RADX: variants seen among roughly 807,000 people sequenced by gnomAD.
RADX encodes RPA1 related single stranded DNA binding protein, X-linked, also known as RPA-related protein RADX.
A neutral mutation model predicts 61.6 loss-of-function variants in RADX; 36 were observed. That is an observed-to-expected ratio of 0.58 (90% confidence interval 0.45 to 0.77). RADX has a LOEUF of 0.77. Ranked by LOEUF, RADX falls within the 30% of genes least tolerant of loss-of-function variation. RADX has a pLI of 0.00. For missense variants in RADX, 497 were observed against 651.1 expected, an observed-to-expected ratio of 0.76 and a Z score of 2.58; for synonymous variants, 272 against 237.9, an observed-to-expected ratio of 1.14 and a Z score of -1.32.
In RADX at chrX:106,627,938, C is replaced by T. The variant is rs191121274; in HGVS notation, c.979+2656C>T. Reference sequence around the variant, plus strand: ...GCAACCTCCACCTCCTGGGTTCCAGCGATTCTCCTGCCTCAGCCTCTCAAG... The same window carrying T: ...GCAACCTCCACCTCCTGGGTTCCAGTGATTCTCCTGCCTCAGCCTCTCAAG... On this transcript the variant is annotated intron_variant, in intron 3 of 13. Transcript: ENST00000372548. Among the ~76,000 whole-genome samples, 1,097 of 111,526 alleles carry T rather than the reference C, an allele frequency of 9.8e-3. 5 individuals are homozygous for T. Among genetic ancestry groups the T allele is most frequent in the Non-Finnish European group, 0.015 (812 of 53,068 alleles).
chrX:106,653,459 T>TA (rs1366493648), intron 11 of RADX, among the ~76,000 whole-genome samples: 3 of 110,591 alleles, frequency 2.7e-5, no homozygotes, highest in Admixed American at 9.6e-5. Context: ...GAGAAAACAC[T>TA]AAAAAAAAGT....
At chrX:106,628,644 ATT>A (rs35521933) in intron 3 of RADX, among the ~76,000 whole-genome samples, 102 of 98,332 alleles carry the variant, frequency 1.0e-3, no homozygotes, top group African/African-American at 3.5e-3. Context: ...TAATATGTGA[ATT>A]TTTTTTTTTT....
At chrX:106,659,322 TA>T (rs1012912124) in intron 11 of RADX, among the ~76,000 whole-genome samples, 1 of 109,579 alleles carries the variant, frequency 9.1e-6, no homozygotes, top group Non-Finnish European at 1.9e-5. Context: ...GGAGTAGATT[TA>T]AAAAAAAAAT....
rs1280451655 is a variant in RADX, at chrX:106,669,292, C to T, written c.2399C>T (p.Thr800Ile). The T allele has an allele frequency of 1.7e-6, 2 of 1,202,585 alleles. No homozygotes were observed. The highest frequency in any genetic ancestry group is 2.3e-4 in the Middle Eastern group (1 of 4,348). The change falls in exon 13 of 14, where the codon ACT (threonine) becomes ATT (isoleucine). Residue 800 changes from threonine (T) to isoleucine (I), a missense_variant. Around this residue, in one of 3 missense-constraint regions of RADX, gnomAD observed 267 missense variants for 306.9 expected, o/e 0.87. Coordinates refer to ENST00000372548, the MANE Select transcript of RADX (RefSeq NM_018015.6). ...NYSCAYPQDT[T>I]GNDRLPGPRA... ...AGCTGTGCATATCCACAGGACACAACTGGAAATGACCGATTGCCAGGTCCA... is the reference window on the plus strand; with the variant it reads ...AGCTGTGCATATCCACAGGACACAATTGGAAATGACCGATTGCCAGGTCCA...
rs758776921 is a variant in RADX, at chrX:106,619,082, G to C, written c.644-3569G>C. 1.8e-3 allele frequency among the ~76,000 whole-genome samples: 196 copies of C among 107,704 alleles called. 1 individual carries two copies. The highest frequency in any genetic ancestry group is 9.7e-3 in the Middle Eastern group (2 of 206). The allele number at this position is 107,704 out of a possible 115,157, so 93.5% of individuals were successfully genotyped here. A position where few individuals can be genotyped will look rare whatever the true frequency, so the allele number is the denominator to read the frequency against. ...TTAAAATTTTCTTTTTCTTCTAGTA[G>C]TTTGGAAATCATACATTGTATTTGT... On this transcript the variant is annotated intron_variant, in intron 1 of 13. Coordinates refer to ENST00000372548, the MANE Select transcript of RADX (RefSeq NM_018015.6).
In RADX at chrX:106,639,066, G is replaced by A. The variant is rs191656670; in HGVS notation, c.1574-461G>A. 3.4e-3 allele frequency among the ~76,000 whole-genome samples: 378 copies of A among 111,608 alleles called. 5 individuals are homozygous for A. The highest frequency in any genetic ancestry group is 0.012 in the African/African-American group (361 of 30,715). ...ATGACAGTTGAAAAGTTTAGCACAAGCATGTTCTTTTTTAAAAAGCTATGA... is the reference window on the plus strand; with the variant it reads ...ATGACAGTTGAAAAGTTTAGCACAAACATGTTCTTTTTTAAAAAGCTATGA... On this transcript the variant is annotated intron_variant, in intron 8 of 13. Transcript: ENST00000372548.
chrX:106,636,341 A>C (rs1927357628), intron 6 of RADX, among the ~76,000 whole-genome samples: 1 of 111,873 alleles, frequency 8.9e-6, no homozygotes, highest in Admixed American at 9.5e-5. Flanking sequence ...GACTGGCAGC[A>C]CTAATAATTG....
chrX:106,653,280 T>C (rs1489101887), intron 11 of RADX, among the ~76,000 whole-genome samples: 1 of 110,826 alleles, frequency 9.0e-6, no homozygotes, highest in Non-Finnish European at 1.9e-5. Context: ...AATAAAAATA[T>C]ATTGTGGAGT....
intron 3 of RADX, among the ~76,000 whole-genome samples, chrX:106,631,790 AAG>A (rs1446130148): frequency 4.0e-5 from 4 of 101,098 alleles, no homozygotes; most frequent in Non-Finnish European, 5.8e-5. Context: ...GAAGAAAAGA[AAG>A]AGAAAGAAAG....
chrX:106,643,934 A>G (rs1927592336), intron 10 of RADX, among the ~76,000 whole-genome samples: 1 of 111,318 alleles, frequency 9.0e-6, no homozygotes, highest in African/African-American at 3.3e-5. Flanking sequence ...CCATTTTTGA[A>G]TGTCCTCTTC....
chrX:106,624,868 C>T (rs1206661936), intron 2 of RADX, among the ~76,000 whole-genome samples: 1 of 111,675 alleles, frequency 9.0e-6, no homozygotes, highest in Non-Finnish European at 1.9e-5. Context: ...TATTTTAATA[C>T]TGAGAAAAAC....
chrX:106,648,479 T>A, intron 11 of RADX, 93 bp downstream of exon 11: 1 of 578,670 alleles, frequency 1.7e-6, no homozygotes, highest in South Asian at 3.1e-5. Flanking sequence ...AAGTAATACA[T>A]GCTTAGAATG....
In RADX at chrX:106,678,452, A is replaced by G; in HGVS notation, c.*194A>G. ...TTCATTTCAGATTCATTATTGAAAA[A>G]GGTCATCAAAATAATTTTTGTGTAT... is the stretch of plus-strand genomic sequence containing the variant. On this transcript the variant is annotated 3_prime_UTR_variant, in exon 14 of 14. Transcript: ENST00000372548. The G allele has an allele frequency of 3.1e-6, 1 of 321,906 alleles. No homozygotes were observed. The highest frequency in any genetic ancestry group is 5.4e-6 in the Non-Finnish European group (1 of 183,760). 26.5% of individuals were successfully genotyped at this position (321,906 alleles called of 1,213,427 possible).
chrX:106,624,892 C>T (rs1420040558), intron 2 of RADX, among the ~76,000 whole-genome samples, 198 bp from the exon 3 acceptor site: 1 of 111,457 alleles, frequency 9.0e-6, no homozygotes, highest in East Asian at 2.8e-4. Context: ...AAATACTTTC[C>T]ACCTCAATAC....
rs950118664 is a variant in RADX at position 106,633,075 on chromosome X, T to C, written c.1180+52T>C. ...AAAAGTATTTCAGTGAATAATTTTG[T>C]GTTCATATGTATATAACAGTTACCT... On this transcript the variant is annotated intron_variant, in intron 5 of 13. Transcript: ENST00000372548. The C allele has an allele frequency of 5.2e-6, 6 of 1,157,533 alleles. No homozygotes were observed. In the Admixed American group the frequency reaches 8.9e-5, roughly 17 times the overall value.
At chrX:106,666,684 T>C (rs1444520871) in intron 12 of RADX, among the ~76,000 whole-genome samples, 1 of 112,497 alleles carries the variant, frequency 8.9e-6, no homozygotes, top group South Asian at 3.7e-4. Flanking sequence ...GTTAATGTTA[T>C]TAAAATTTGA....
intron 2 of RADX, among the ~76,000 whole-genome samples, chrX:106,623,820 C>T (rs978394000): frequency 9.0e-6 from 1 of 111,534 alleles, no homozygotes; most frequent in African/African-American, 3.3e-5. Flanking sequence ...AAAAATTCTT[C>T]ATCCATAATA....
chrX:106,630,336 AC>A (rs375346782), intron 3 of RADX, among the ~76,000 whole-genome samples: 4 of 105,225 alleles, frequency 3.8e-5, no homozygotes, highest in African/African-American at 1.1e-4. Flanking sequence ...CTACAAAAAA[AC>A]AAACAAACAA....
intron 3 of RADX, among the ~76,000 whole-genome samples, chrX:106,626,208 C>T (rs190319920): frequency 3.1e-4 from 35 of 111,544 alleles, no homozygotes; most frequent in African/African-American, 1.1e-3. Flanking sequence ...GTTTATAATA[C>T]CTTTATTCTG....
Sources: gnomAD v4.1 joint callset for allele counts (sites outside exome capture counted in the v4.1 genomes callset) on GRCh38, gnomAD v4.1.1 for gene constraint, gnomAD v4.1.1 regional missense constraint, MANE v1.5 for transcripts, NCBI Gene and HGNC (gene_info 2026-07-23, HGNC 2026-07-21) for gene names.